The following PPARGC1A variants were observed in gnomAD, a reference collection of about 807,000 sequenced individuals.
The protein encoded by PPARGC1A is PPARG coactivator 1 alpha, also known as peroxisome proliferator-activated receptor gamma coactivator 1-alpha.
A neutral mutation model predicts 88.7 loss-of-function variants in PPARGC1A; 25 were observed. That is an observed-to-expected ratio of 0.28 (90% CI 0.21 to 0.39). PPARGC1A has a LOEUF of 0.39. Ranked by LOEUF, PPARGC1A falls within the 10% of genes least tolerant of loss-of-function variation. PPARGC1A has a pLI of 1.00. For synonymous variants in PPARGC1A, 363 were observed against 355.6 expected, an observed-to-expected ratio of 1.02 and a Z score of -0.24; for missense variants, 880 against 968.7, an observed-to-expected ratio of 0.91 and a Z score of 1.22.
At chr4:24,155,569 C>A in the PPARGC1A span, among the ~76,000 whole-genome samples, 1 of 150,420 alleles carries the variant, frequency 6.6e-6, no homozygotes, top group Non-Finnish European at 1.5e-5. Flanking sequence ...CCACTGCACT[C>A]CAGCCTAGGC....
chr4:24,137,649 C>A, the PPARGC1A span, among the ~76,000 whole-genome samples: 2 of 152,074 alleles, frequency 1.3e-5, no homozygotes, highest in Non-Finnish European at 2.9e-5. Context: ...TACTGCCCCC[C>A]ACAAGAAATG....
chr4:24,282,683 C>T, the PPARGC1A span, among the ~76,000 whole-genome samples: 1 of 152,184 alleles, frequency 6.6e-6, no homozygotes, highest in East Asian at 1.9e-4. Flanking sequence ...AAATCAAAAC[C>T]TTGTCCCTCT....
chr4:23,978,998 CAG>C, the PPARGC1A span, among the ~76,000 whole-genome samples: 2 of 151,964 alleles, frequency 1.3e-5, no homozygotes, highest in African/African-American at 4.8e-5. Flanking sequence ...TAGAAAGAGA[CAG>C]GGGAAGAAAG....
At chr4:24,209,837 G>T in the PPARGC1A span, among the ~76,000 whole-genome samples, 1 of 152,144 alleles carries the variant, frequency 6.6e-6, no homozygotes, top group Non-Finnish European at 1.5e-5. Context: ...TTTATTGGAG[G>T]TATATGCTCA....
the PPARGC1A span, among the ~76,000 whole-genome samples, chr4:24,041,425 T>A: frequency 3.9e-5 from 6 of 152,264 alleles, no homozygotes; most frequent in African/African-American, 1.4e-4. Flanking sequence ...CATCTTCAGG[T>A]CCAGGTGGTC....
At chr4:24,014,745 AC>A in the PPARGC1A span, among the ~76,000 whole-genome samples, 1 of 151,762 alleles carries the variant, frequency 6.6e-6, no homozygotes, top group Non-Finnish European at 1.5e-5. Flanking sequence ...GGAAAGACCC[AC>A]CCCCTCTTTT....
the PPARGC1A span, among the ~76,000 whole-genome samples, chr4:24,289,374 C>T: frequency 1.3e-5 from 2 of 152,154 alleles, no homozygotes; most frequent in Non-Finnish European, 2.9e-5. Flanking sequence ...CAGGGGAGAG[C>T]TGAACCTTCC....
the PPARGC1A span, among the ~76,000 whole-genome samples, chr4:24,046,079 A>G: frequency 3.3e-5 from 5 of 152,218 alleles, no homozygotes; most frequent in African/African-American, 1.2e-4. Flanking sequence ...GAAGATATAG[A>G]GTAACAATGT....
At chr4:24,218,246 A>G in the PPARGC1A span, among the ~76,000 whole-genome samples, 1 of 152,240 alleles carries the variant, frequency 6.6e-6, no homozygotes, top group Non-Finnish European at 1.5e-5. Flanking sequence ...TAAATAAATG[A>G]CATACACTAT....
the PPARGC1A span, among the ~76,000 whole-genome samples, chr4:24,120,336 G>A: frequency 6.6e-6 from 1 of 152,100 alleles, no homozygotes; most frequent in Non-Finnish European, 1.5e-5. Flanking sequence ...GCTAGAGATG[G>A]TTCAGAGACA....
At chr4:24,116,993 C>T in the PPARGC1A span, among the ~76,000 whole-genome samples, 1 of 151,604 alleles carries the variant, frequency 6.6e-6, no homozygotes, top group East Asian at 1.9e-4. Context: ...CAAAAAACAA[C>T]AACCACAACA....
the PPARGC1A span, among the ~76,000 whole-genome samples, chr4:24,033,995 C>T: frequency 2.0e-5 from 3 of 152,198 alleles, no homozygotes; most frequent in Admixed American, 6.5e-5. Flanking sequence ...GTTTGGCCTT[C>T]TTCTTCCTAA....
the PPARGC1A span, among the ~76,000 whole-genome samples, chr4:23,910,385 TTA>T: frequency 1.1e-4 from 12 of 109,968 alleles, no homozygotes; most frequent in Admixed American, 1.1e-3. Context: ...ATTATATATA[TTA>T]TATATATTAT....
the PPARGC1A span, among the ~76,000 whole-genome samples, chr4:24,428,093 A>G: frequency 6.6e-6 from 1 of 151,328 alleles, no homozygotes; most frequent in African/African-American, 2.4e-5. Flanking sequence ...GCACTCCAGC[A>G]TGGGTGACAG....
chr4:23,935,884 A>C, the PPARGC1A span, among the ~76,000 whole-genome samples: 3 of 152,172 alleles, frequency 2.0e-5, no homozygotes, highest in African/African-American at 7.2e-5. Flanking sequence ...CTTAAAAAAA[A>C]AAATTGCTAA....
the PPARGC1A span, among the ~76,000 whole-genome samples, chr4:23,919,611 C>G: frequency 6.6e-6 from 1 of 151,254 alleles, no homozygotes; most frequent in South Asian, 2.1e-4. Context: ...TTTGCTTACT[C>G]TCTCTTCTAA....
At chr4:24,029,292 G>A in the PPARGC1A span, among the ~76,000 whole-genome samples, 1 of 152,132 alleles carries the variant, frequency 6.6e-6, no homozygotes. Context: ...GCCCATAAGT[G>A]GAAATGGTGG....
chr4:23,875,076 C>T (rs141540414), intron 2 of PPARGC1A, among the ~76,000 whole-genome samples: 2 of 152,292 alleles, frequency 1.3e-5, no homozygotes, highest in South Asian at 2.1e-4. Context: ...CGGTGTCTTC[C>T]CTGCTTGTAC....
rs57866405 is a variant in PPARGC1A, at chr4:23,834,192, C to T, written c.235-2441G>A. 3.9e-3 allele frequency among the ~76,000 whole-genome samples: 595 copies of T among 152,072 alleles called. 2 individuals are homozygous for T. Among genetic ancestry groups the T allele is most frequent in the African/African-American group, 0.014 (567 of 41,464 alleles). ...GCGGACGCCTGTAGTCCCAGCTACACGGGAGGCTGAGGCAGGAGAATGGTG... is the reference window on the plus strand; with the variant it reads ...GCGGACGCCTGTAGTCCCAGCTACATGGGAGGCTGAGGCAGGAGAATGGTG... On this transcript the variant is annotated intron_variant, in intron 2 of 12. Coordinates refer to ENST00000264867, the MANE Select transcript of PPARGC1A (RefSeq NM_013261.5).
Sources: allele counts gnomAD v4.1 joint callset (sites outside exome capture counted in the v4.1 genomes callset), GRCh38; gene constraint gnomAD v4.1.1; transcripts MANE v1.5; gene names NCBI Gene and HGNC (gene_info 2026-07-23, HGNC 2026-07-21).